CEP164: variants seen among roughly 807,000 people sequenced by gnomAD.
The protein encoded by CEP164 is centrosomal protein of 164 kDa.
A neutral mutation model predicts 182.7 loss-of-function variants in CEP164; 162 were observed. The ratio of observed to expected loss-of-function variants is 0.89; its 90% confidence interval spans 0.78 to 1.01. The LOEUF (loss-of-function observed/expected upper bound fraction) is 1.01. Among genes scored for constraint, CEP164 ranks in the 50% least tolerant of loss-of-function variants. The pLI is 0.00. For synonymous variants in CEP164, 661 were observed against 690.0 expected, an observed-to-expected ratio of 0.96 and a Z score of 0.66; for missense variants, 1,735 against 1,790.4, an observed-to-expected ratio of 0.97 and a Z score of 0.56.
At chr11:117,389,226 A>G (rs1307700915) in intron 15 of CEP164, among the ~76,000 whole-genome samples, 1 of 152,184 alleles carries the variant, frequency 6.6e-6, no homozygotes, top group Non-Finnish European at 1.5e-5. Flanking sequence ...CCCTGAGCGC[A>G]CAGCACACAT....
intron 8 of CEP164, among the ~76,000 whole-genome samples, chr11:117,367,298 T>C (rs1420329434): frequency 1.3e-5 from 2 of 152,250 alleles, no homozygotes; most frequent in African/African-American, 4.8e-5. Flanking sequence ...TTCCCCACCC[T>C]TGAGGTGCTG....
At chr11:117,410,129 ACT>A in intron 30 of CEP164, 164 bp downstream of exon 30, 2 of 761,490 alleles carry the variant, frequency 2.6e-6, no homozygotes, top group Non-Finnish European at 4.6e-6. Flanking sequence ...TGGTCCATTG[ACT>A]CTACCTGTGG....
At chr11:117,362,563 C>T in intron 7 of CEP164, 25 bp downstream of exon 7, 1 of 1,605,286 alleles carries the variant, frequency 6.2e-7, no homozygotes, top group Non-Finnish European at 8.5e-7. Context: ...CTCTCCCTGG[C>T]CTGGAAACCC....
In CEP164 at chr11:117,412,850, T is replaced by C. The variant is rs2047489979; in HGVS notation, c.*682T>C. The C allele has an allele frequency of 6.6e-6, 1 of 152,452 alleles. No homozygotes were observed. Among genetic ancestry groups the C allele is most frequent in the African/African-American group, 2.4e-5 (1 of 41,398 alleles). 9.4% of individuals were successfully genotyped at this position (152,452 alleles called of 1,614,324 possible). A position where few individuals can be genotyped will look rare whatever the true frequency, so the allele number is the denominator to read the frequency against. On this transcript the variant is annotated 3_prime_UTR_variant, in exon 33 of 33. Transcript: ENST00000278935. ...TCAGGGGCTGTCCTCAGAACACCCCTCCTGCTCCCTGGGGCTCCTCAGGGA... is the reference window on the plus strand; with the variant it reads ...TCAGGGGCTGTCCTCAGAACACCCCCCCTGCTCCCTGGGGCTCCTCAGGGA...
chr11:117,363,008 G>A (rs1281336625), intron 7 of CEP164, among the ~76,000 whole-genome samples: 3 of 152,086 alleles, frequency 2.0e-5, no homozygotes, highest in African/African-American at 7.2e-5. Context: ...CCTTTTTAAG[G>A]CTGAATAATA....
upstream of CEP164, among the ~76,000 whole-genome samples, chr11:117,327,553 C>T: frequency 6.6e-6 from 1 of 151,098 alleles, no homozygotes; most frequent in East Asian, 1.9e-4. Flanking sequence ...CCACCCGCCT[C>T]GGCCTCCCAA....
At chr11:117,329,668 A>G (rs904149910) in intron 1 of CEP164, among the ~76,000 whole-genome samples, 6 of 151,986 alleles carry the variant, frequency 3.9e-5, no homozygotes, top group Admixed American at 3.3e-4. Flanking sequence ...CAGCTTCCCG[A>G]GTAGCTGGGA....
chr11:117,373,976 T>C, intron 10 of CEP164, 145 bp downstream of exon 10: 1 of 637,492 alleles, frequency 1.6e-6, no homozygotes. Context: ...CTCCAGTTTC[T>C]CAACCCATTA....
At position 117,409,175 on chromosome 11, in the gene CEP164, G is replaced by A. The variant is rs2047038073; in HGVS notation, c.3748+147G>A. The A allele has an allele frequency of 2.8e-6, 3 of 1,088,980 alleles. No individual in the cohort carries two copies. Among genetic ancestry groups the A allele is most frequent in the Non-Finnish European group, 3.9e-6 (3 of 766,556 alleles). 67.5% of individuals were successfully genotyped at this position (1,088,980 alleles called of 1,614,324 possible). The stretch of plus-strand genomic sequence containing the variant: ...GGACTAGGTGCTCGGTCAGTGCTGG[G>A]AAGGAATCACACCATCTAGGTTTGC... On this transcript the variant is annotated intron_variant, in intron 29 of 32. Coordinates refer to ENST00000278935, the MANE Select transcript of CEP164 (RefSeq NM_014956.5). The surrounding 1 kb of genome is among the most constrained non-coding windows in gnomAD (Gnocchi z 4.4).
At chr11:117,405,310 G>A (rs1592475075) in intron 27 of CEP164, among the ~76,000 whole-genome samples, 1 of 152,326 alleles carries the variant, frequency 6.6e-6, no homozygotes, top group East Asian at 1.9e-4. Context: ...CTCCTGGTCT[G>A]CGGGTTGCAA....
chr11:117,407,969 C>G lies in CEP164; in HGVS notation c.3546C>G (p.Gly1182=), dbSNP rs1412204537. 1.2e-6 allele frequency: 2 copies of G among 1,602,374 alleles called. No homozygotes were observed. The highest frequency in any genetic ancestry group is 1.3e-5 in the African/African-American group (1 of 74,812). ...AGATGAAGTCGGCCATGCGGAAAGG[C>G]CACAACCTGCTGAAGAAGAAAGAGG... ...LDEMKSAMRK[G]HNLLKKKEEK... The change falls in exon 28 of 33, where the codon GGC becomes GGG. Residue 1182 remains glycine (G), a synonymous_variant. Coordinates refer to ENST00000278935, the MANE Select transcript of CEP164 (RefSeq NM_014956.5).
chr11:117,393,319 G>A (rs933753955), intron 20 of CEP164, among the ~76,000 whole-genome samples, 193 bp downstream of exon 20: 1 of 152,152 alleles, frequency 6.6e-6, no homozygotes, highest in Non-Finnish European at 1.5e-5. Flanking sequence ...CTGGTACCCT[G>A]CCACGATGAT....
intron 2 of CEP164, among the ~76,000 whole-genome samples, chr11:117,337,739 TC>T (rs2037423283): frequency 6.6e-6 from 1 of 152,048 alleles, no homozygotes; most frequent in African/African-American, 2.4e-5. Flanking sequence ...ATTTCTCCAA[TC>T]CAGCCATGCC....
chr11:117,359,359 T>C (rs1355606000), intron 5 of CEP164: 1 of 919,482 alleles, frequency 1.1e-6, no homozygotes. Context: ...CGGAAGGTGT[T>C]TAGCCAGTGC....
intron 5 of CEP164, chr11:117,356,690 C>A: frequency 8.4e-7 from 1 of 1,194,254 alleles, no homozygotes; most frequent in African/African-American, 1.6e-5. Context: ...TGATGTCTTA[C>A]CACAGCCATC....
Position 117,409,244 on chromosome 11 carries a change from C to T in CEP164, c.3748+216C>T. ...GGTCAGGGAAGCCCTCTGAATGCTG[C>T]AGAGCACTCTACGGTGTGACCACTG... On this transcript the variant is annotated intron_variant, in intron 29 of 32. Transcript: ENST00000278935. This position sits in a 1 kb window ranked among gnomAD's most constrained non-coding sequence, Gnocchi z 4.4. 2 of 642,418 alleles carry T rather than the reference C, an allele frequency of 3.1e-6. No homozygotes were observed. Among genetic ancestry groups the T allele is most frequent in the South Asian group, 1.9e-5 (1 of 51,554 alleles). 39.8% of individuals were successfully genotyped at this position (642,418 alleles called of 1,614,324 possible).
chr11:117,402,769 A>G (rs937797919), intron 27 of CEP164, among the ~76,000 whole-genome samples: 19 of 151,970 alleles, frequency 1.3e-4, no homozygotes, highest in African/African-American at 4.4e-4. Flanking sequence ...ATCCTTGTCA[A>G]TTTTCTGTCT....
intron 5 of CEP164, chr11:117,356,677 A>C (rs747920809): frequency 1.2e-5 from 14 of 1,211,024 alleles, no homozygotes; most frequent in Non-Finnish European, 1.4e-5. Context: ...GAGCAGGTGG[A>C]GTTGATGTCT....
At chr11:117,408,350 T>C (rs1190767890) in intron 28 of CEP164, among the ~76,000 whole-genome samples, 1 of 152,204 alleles carries the variant, frequency 6.6e-6, no homozygotes, top group African/African-American at 2.4e-5. Flanking sequence ...GTGTCAGGAA[T>C]GGACACACAT....
Sources: allele counts gnomAD v4.1 joint callset (sites outside exome capture counted in the v4.1 genomes callset), GRCh38; gene constraint gnomAD v4.1.1; non-coding constraint Gnocchi (gnomAD v3.1); transcripts MANE v1.5; gene names NCBI Gene and HGNC (gene_info 2026-07-23, HGNC 2026-07-21).